The following VPS18 variants were observed in gnomAD, a reference collection of about 807,000 sequenced individuals.
VPS18 encodes the protein VPS18 core subunit of CORVET and HOPS complexes.
A neutral mutation model predicts 82.0 loss-of-function variants in VPS18; 25 were observed. That is an observed-to-expected ratio of 0.30 (90% CI 0.22 to 0.43). The LOEUF (loss-of-function observed/expected upper bound fraction) is 0.43, where lower values mean the gene tolerates loss of function less well. VPS18 is among the 20% of genes least tolerant of loss of function. The probability of loss-of-function intolerance (pLI) is 1.00; values close to 1 mark genes in which losing one functional copy is unlikely to be tolerated. For synonymous variants in VPS18, 523 were observed against 543.0 expected (o/e 0.96, Z 0.51); for missense variants, 1,168 against 1,311.1 (o/e 0.89, Z 1.69).
Position 40,899,748 on chromosome 15 carries a change from A to T in VPS18, c.930A>T (p.Arg310=), listed in dbSNP as rs1321621171. The change falls in exon 4 of 5, where the codon CGA becomes CGT. Residue 310 remains arginine (R), a synonymous_variant. Coordinates refer to ENST00000220509, the MANE Select transcript of VPS18 (RefSeq NM_020857.3). The surrounding 1 kb of genome is among the most constrained non-coding windows in gnomAD (Gnocchi z 4.4). ...CTGACTCTCTGCTGAGCGAGGAGCGAGTCTGGGAGTACCCAGAGGGGGTAG... is the reference window on the plus strand; with the variant it reads ...CTGACTCTCTGCTGAGCGAGGAGCGTGTCTGGGAGTACCCAGAGGGGGTAG... The part of the protein sequence containing the change: ...GRPDSLLSEE[R]VWEYPEGVGP... The T allele has an allele frequency of 1.9e-6, 3 of 1,613,576 alleles. No homozygotes were observed. The highest frequency in any genetic ancestry group is 8.5e-7 in the Non-Finnish European group (1 of 1,180,038).
Position 40,902,237 on chromosome 15 carries a change from C to T in VPS18, c.2197-379C>T, listed in dbSNP as rs1300309698. Among the ~76,000 whole-genome samples the T allele has an allele frequency of 3.9e-5, 6 of 152,076 alleles. No homozygotes were observed. The highest frequency in any genetic ancestry group is 1.9e-4 in the East Asian group (1 of 5,156). The stretch of plus-strand genomic sequence containing the variant: ...ACGCCATTCTCCTGGCTCAGCCTCC[C>T]GGGTAGCTGGGACTACAGGCGCCCG... On this transcript the variant is annotated intron_variant, in intron 4 of 4. Coordinates refer to ENST00000220509, the MANE Select transcript of VPS18 (RefSeq NM_020857.3). The surrounding 1 kb of genome is among the most constrained non-coding windows in gnomAD (Gnocchi z 4.2).
Position 40,903,620 on chromosome 15 carries a change from ACCCCCTG to A in VPS18, c.*282_*288del. The A allele has an allele frequency of 2.9e-6, 1 of 339,562 alleles. No individual in the cohort carries two copies. Among genetic ancestry groups the A allele is most frequent in the South Asian group, 8.3e-5 (1 of 12,104 alleles). The allele number at this position is 339,562 out of a possible 1,614,324, so 21.0% of individuals were successfully genotyped here. On this transcript the variant is annotated 3_prime_UTR_variant, in exon 5 of 5. Transcript: ENST00000220509. ...GAAGTCAGAAATCTGACCCAATTCC[ACCCCCTG>A]CCTCTAGCACCTCTTCTGTCCCTGT...
rs1410751277 is a variant in VPS18, at chr15:40,899,817, C to G, written c.999C>G (p.Phe333Leu). 1.2e-6 allele frequency: 2 copies of G among 1,610,260 alleles called. No homozygotes were observed. The highest frequency in any genetic ancestry group is 1.1e-5 in the South Asian group (1 of 91,086). ...CCCTAGCCATCGTCTTGACCCAGTT[C>G]CACTTCCTGCTGCTACTGGCAGACC... ...SPPLAIVLTQ[F>L]HFLLLLADRV... is the part of the protein sequence containing the mutation. Residue 333 changes from phenylalanine (F) to leucine (L), a missense_variant, in exon 4 of 5, where the codon TTC (phenylalanine) becomes TTG (leucine). Coordinates refer to ENST00000220509, the MANE Select transcript of VPS18 (RefSeq NM_020857.3). This position sits in a 1 kb window ranked among gnomAD's most constrained non-coding sequence, Gnocchi z 4.4.
Position 40,903,530 on chromosome 15 carries a change from G to A in VPS18, c.*189G>A. ...GTGTATTCTGCCAGCTTTTCATGCT[G>A]TTCTTCAGAGCTGCAGTTATGCCAG... is the stretch of plus-strand genomic sequence containing the variant. On this transcript the variant is annotated 3_prime_UTR_variant, in exon 5 of 5. Coordinates refer to ENST00000220509, the MANE Select transcript of VPS18 (RefSeq NM_020857.3). 1.3e-6 allele frequency: 1 copy of A among 750,372 alleles called. No individual in the cohort carries two copies. Among genetic ancestry groups the A allele is most frequent in the Non-Finnish European group, 1.9e-6 (1 of 513,160 alleles). The allele number at this position is 750,372 out of a possible 1,614,324, so 46.5% of individuals were successfully genotyped here. A position where few individuals can be genotyped will look rare whatever the true frequency, so the allele number is the denominator to read the frequency against.
intron 2 of VPS18, 40 bp from the exon 3 acceptor site, chr15:40,898,867 C>T: frequency 6.3e-7 from 1 of 1,580,130 alleles, no homozygotes; most frequent in Non-Finnish European, 8.7e-7. Flanking sequence ...AAAAAAGGAT[C>T]TTCCCTTCTC....
At position 40,901,019 on chromosome 15, in the gene VPS18, G is replaced by A. The variant is rs1322153763; in HGVS notation, c.2196+5G>A. The A allele has an allele frequency of 6.3e-7, 1 of 1,594,944 alleles. No homozygotes were observed. The highest frequency in any genetic ancestry group is 2.2e-5 in the East Asian group (1 of 44,648). On this transcript the variant is annotated splice_donor_5th_base_variant and intron_variant, in intron 4 of 4. Coordinates refer to ENST00000220509, the MANE Select transcript of VPS18 (RefSeq NM_020857.3). ...GCCGTGGACCTGGCCCTGCAGGTAA[G>A]CCAGTACGTCTTGACCCCAGCTGGG... is the stretch of plus-strand genomic sequence containing the variant.
Position 40,903,138 on chromosome 15 carries a change from C to A in VPS18, c.2719C>A (p.Pro907Thr). ...ELQRKLGAAP[P>T]PAKGSARAKE... The stretch of plus-strand genomic sequence containing the variant: ...GCAGAGGAAGCTGGGGGCTGCTCCA[C>A]CCCCAGCCAAGGGCTCTGCCCGGGC... The change falls in exon 5 of 5, where the codon CCC becomes ACC. Residue 907 changes from proline (P) to threonine (T), a missense_variant. By Grantham distance (38) the Pro-to-Thr change is conservative (BLOSUM62 -1). Transcript: ENST00000220509. 1 of 1,608,516 alleles carries A rather than the reference C, an allele frequency of 6.2e-7. No individual in the cohort carries two copies. Among genetic ancestry groups the A allele is most frequent in the Non-Finnish European group, 8.5e-7 (1 of 1,177,326 alleles).
Position 40,900,689 on chromosome 15 carries a change from G to C in VPS18, c.1871G>C (p.Arg624Pro). ...WIEMGSRLDA[R>P]QLIPALVNYS... ...GAGATGGGCAGCCGGCTGGATGCTCGTCAGCTCATTCCTGCCCTGGTGAAC... is the reference window on the plus strand; with the variant it reads ...GAGATGGGCAGCCGGCTGGATGCTCCTCAGCTCATTCCTGCCCTGGTGAAC... The change falls in exon 4 of 5, where the codon CGT becomes CCT. Residue 624 changes from arginine (R) to proline (P), a missense_variant. Around this residue, in one of 3 missense-constraint regions of VPS18, gnomAD observed 868 missense variants for 939.8 expected, o/e 0.92. Transcript: ENST00000220509. The surrounding 1 kb of genome is among the most constrained non-coding windows in gnomAD (Gnocchi z 5.4). The C allele has an allele frequency of 6.2e-7, 1 of 1,614,174 alleles. No homozygotes were observed. Among genetic ancestry groups the C allele is most frequent in the East Asian group, 2.2e-5 (1 of 44,886 alleles).
rs35029205 is a variant in VPS18, at chr15:40,902,116, CT to C, written c.2197-486del. 2.0e-3 allele frequency among the ~76,000 whole-genome samples: 244 copies of C among 124,116 alleles called. No individual in the cohort carries two copies. Among genetic ancestry groups the C allele is most frequent in the Admixed American group, 1.9e-3 (25 of 12,870 alleles). 81.4% of individuals were successfully genotyped at this position (124,116 alleles called of 152,430 possible). ...GATTTCTTTCTTTCTTTCTTTCTTTCTTTTTTTTTTTTTTGAGACGGAGTCT... is the reference window on the plus strand; with the variant it reads ...GATTTCTTTCTTTCTTTCTTTCTTTCTTTTTTTTTTTTTGAGACGGAGTCT... On this transcript the variant is annotated intron_variant, in intron 4 of 4. Transcript: ENST00000220509. This position sits in a 1 kb window ranked among gnomAD's most constrained non-coding sequence, Gnocchi z 4.2.
chr15:40,898,736 G>A lies in VPS18; in HGVS notation c.234-171G>A, dbSNP rs114323448. 2,328 of 733,158 alleles carry A rather than the reference G, an allele frequency of 3.2e-3. 46 individuals carry two copies. The African/African-American group carries it at 0.037, about 12-fold the overall frequency. 45.4% of individuals were successfully genotyped at this position (733,158 alleles called of 1,614,324 possible). A position where few individuals can be genotyped will look rare whatever the true frequency, so the allele number is the denominator to read the frequency against. On this transcript the variant is annotated intron_variant, in intron 2 of 4. Coordinates refer to ENST00000220509, the MANE Select transcript of VPS18 (RefSeq NM_020857.3). ...AATCTACCCACCTCGGACTCCCAAA[G>A]TGCTGGGATTACAGGCTGAGCCAGT...
In VPS18 at chr15:40,900,108, C is replaced by A. The variant is rs759168808; in HGVS notation, c.1290C>A (p.Ala430=). ...TGGACACGGTCCTGGCCCGGGAGGC[C>A]GATTTCTGCTTTCGCCAGCGTCGCT... ...DCLDTVLARE[A]DFCFRQRRYL... The change falls in exon 4 of 5, where the codon GCC becomes GCA. Residue 430 remains alanine (A), a synonymous_variant. Coordinates refer to ENST00000220509, the MANE Select transcript of VPS18 (RefSeq NM_020857.3). The surrounding 1 kb of genome is among the most constrained non-coding windows in gnomAD (Gnocchi z 5.4). The A allele has an allele frequency of 3.7e-6, 6 of 1,613,688 alleles. No homozygotes were observed. Among genetic ancestry groups the A allele is most frequent in the African/African-American group, 1.3e-5 (1 of 74,922 alleles).
At position 40,903,326 on chromosome 15, in the gene VPS18, G is replaced by T. The variant is rs1892398481; in HGVS notation, c.2907G>T (p.Gln969His). 1 of 1,538,862 alleles carries T rather than the reference G, an allele frequency of 6.5e-7. No homozygotes were observed. The highest frequency in any genetic ancestry group is 8.7e-7 in the Non-Finnish European group (1 of 1,142,944). ...FIDPQRYEEE[Q>H]LSWL ...ACCCCCAGCGCTACGAGGAGGAGCA[G>T]CTCAGTTGGCTGTAGGAGGGTGTCA... The change falls in exon 5 of 5, where the codon CAG becomes CAT. Residue 969 changes from glutamine to histidine, a missense_variant. Gln to His is a conservative substitution (Grantham distance 24). Around this residue, in one of 3 missense-constraint regions of VPS18, gnomAD observed 296 missense variants for 354.0 expected, o/e 0.84. Coordinates refer to ENST00000220509, the MANE Select transcript of VPS18 (RefSeq NM_020857.3).
chr15:40,898,851 T>G, intron 2 of VPS18, 56 bp from the exon 3 acceptor site: 2 of 1,514,002 alleles, frequency 1.3e-6, no homozygotes, highest in East Asian at 4.6e-5. Flanking sequence ...AAGAAGATCA[T>G]GATCCAAAAA....
Position 40,903,267 on chromosome 15 carries a change from C to A in VPS18, c.2848C>A (p.Leu950Met). ...CGCTGAGTGTGTGTACTGTGGGGAG[C>A]TGATGATCCGCTCTATCGACCGGCC... Reference protein sequence around the residue: ...VAAECVYCGELMIRSIDRPFI... With the variant: ...VAAECVYCGEMMIRSIDRPFI... The change falls in exon 5 of 5, where the codon CTG becomes ATG. Residue 950 changes from leucine to methionine, a missense_variant. Leu to Met is a conservative substitution (Grantham distance 15, BLOSUM62 2). Coordinates refer to ENST00000220509, the MANE Select transcript of VPS18 (RefSeq NM_020857.3). 6.3e-7 allele frequency: 1 copy of A among 1,596,624 alleles called. No individual in the cohort carries two copies. The highest frequency in any genetic ancestry group is 1.1e-5 in the South Asian group (1 of 89,382).
chr15:40,901,982 A>G (rs1265865505), intron 4 of VPS18, among the ~76,000 whole-genome samples: 2 of 152,214 alleles, frequency 1.3e-5, no homozygotes, highest in Non-Finnish European at 1.5e-5. Flanking sequence ...GCTGCATCGC[A>G]TGAAGTGCTA....
rs553162824 is a variant in VPS18 at position 40,899,338 on chromosome 15, C to G, written c.520C>G (p.Leu174Val). ...CCAAGGCCACATCTTTGAAGCAGAGCTCTCAGCCAGCGAAGGTGGGCTTTT... is the reference window on the plus strand; with the variant it reads ...CCAAGGCCACATCTTTGAAGCAGAGGTCTCAGCCAGCGAAGGTGGGCTTTT... ...TAQGHIFEAE[L>V]SASEGGLFGP... The change falls in exon 4 of 5, where the codon CTC becomes GTC. Residue 174 changes from leucine to valine, a missense_variant. Transcript: ENST00000220509. This position sits in a 1 kb window ranked among gnomAD's most constrained non-coding sequence, Gnocchi z 4.4. 29 of 1,613,594 alleles carry G rather than the reference C, an allele frequency of 1.8e-5. No individual in the cohort carries two copies. Among genetic ancestry groups the G allele is most frequent in the Middle Eastern group, 3.3e-4 (2 of 6,058 alleles).
chr15:40,901,132 A>G lies in VPS18; in HGVS notation c.2196+118A>G, dbSNP rs192705833. ...TGCTGGCTTCCCTTGCAGAGAGGGA[A>G]GGTTAAGAGCATGGACTGTTAAGTC... is the stretch of plus-strand genomic sequence containing the variant. On this transcript the variant is annotated intron_variant, in intron 4 of 4. Transcript: ENST00000220509. The G allele has an allele frequency of 4.7e-6, 5 of 1,060,646 alleles. No individual in the cohort carries two copies. In the African/African-American group the frequency reaches 4.8e-5, roughly 10 times the overall value. 65.7% of individuals were successfully genotyped at this position (1,060,646 alleles called of 1,614,324 possible).
chr15:40,897,700 A>T (rs1892252656), intron 2 of VPS18, among the ~76,000 whole-genome samples: 1 of 152,224 alleles, frequency 6.6e-6, no homozygotes, highest in Admixed American at 6.5e-5. Context: ...TACTAGATTG[A>T]TGAAGCTCTT....
rs1181595650 is a variant in VPS18, at chr15:40,895,939, G to A, written c.93G>A (p.Gly31=). The stretch of plus-strand genomic sequence containing the variant: ...CTTCTTGTCATTCCTTACCTGTAGG[G>A]TATGTGAATGCCCAGCTGGAGAAGG... The part of the protein sequence containing the change: ...GCPSVGIPHS[G]YVNAQLEKEV... The change falls in exon 2 of 5, where the codon GGG becomes GGA. Residue 31 remains glycine (G), a splice_region_variant and synonymous_variant. Transcript: ENST00000220509. 15 of 1,614,026 alleles carry A rather than the reference G, an allele frequency of 9.3e-6. No homozygotes were observed. The Admixed American group carries it at 1.2e-4, about 13-fold the overall frequency.
Sources: allele counts gnomAD v4.1 joint callset (sites outside exome capture counted in the v4.1 genomes callset), GRCh38; gene constraint gnomAD v4.1.1; regional missense constraint gnomAD v4.1.1; non-coding constraint Gnocchi (gnomAD v3.1); transcripts MANE v1.5; gene names NCBI Gene and HGNC (gene_info 2026-07-23, HGNC 2026-07-21).